MBTPS2: variants seen among roughly 807,000 people sequenced by gnomAD.
The protein encoded by MBTPS2 is membrane-bound transcription factor site-2 protease.
Under a neutral mutation model 35.4 loss-of-function variants are expected in MBTPS2, and 2 were observed. The observed-to-expected ratio is 0.06, with a 90% confidence interval of 0.02 to 0.18. MBTPS2 has a LOEUF of 0.18. Among genes scored for constraint, MBTPS2 ranks in the 10% least tolerant of loss-of-function variants. The pLI is 1.00. For missense variants in MBTPS2, 244 were observed against 386.5 expected (o/e 0.63, Z 3.09); for synonymous variants, 125 against 140.4 (o/e 0.89, Z 0.77).
Position 21,856,655 on chromosome X carries a change from G to T in MBTPS2, c.670+3152G>T, listed in dbSNP as rs772576056. On this transcript the variant is annotated intron_variant, in intron 5 of 10. Transcript: ENST00000379484. Reference sequence around the variant, plus strand: ...GGATCTACGGTGGCCACAACCATCCGCCATTGATGGTGTTGCAGCCGCTCT... The same window carrying T: ...GGATCTACGGTGGCCACAACCATCCTCCATTGATGGTGTTGCAGCCGCTCT... The T allele has an allele frequency of 5.8e-6, 7 of 1,209,896 alleles. No individual in the cohort carries two copies. In the Admixed American group the frequency reaches 6.6e-5, roughly 11 times the overall value.
At position 21,869,088 on chromosome X, in the gene MBTPS2, T is replaced by C. The variant is rs187507925; in HGVS notation, c.790-410T>C. On this transcript the variant is annotated intron_variant, in intron 6 of 10. Coordinates refer to ENST00000379484, the MANE Select transcript of MBTPS2 (RefSeq NM_015884.4). Reference sequence around the variant, plus strand: ...AAATTACCTTTGTGAGCAATTGGCTTACATATACATTGTACTGATGGTATT... The same window carrying C: ...AAATTACCTTTGTGAGCAATTGGCTCACATATACATTGTACTGATGGTATT... Among the ~76,000 whole-genome samples the C allele has an allele frequency of 6.0e-3, 673 of 112,515 alleles. 2 individuals carry two copies. Among genetic ancestry groups the C allele is most frequent in the Non-Finnish European group, 9.3e-3 (498 of 53,313 alleles).
intron 3 of MBTPS2, among the ~76,000 whole-genome samples, chrX:21,850,026 C>CAAAAAA (rs757928757): frequency 1.1e-4 from 3 of 27,398 alleles, no homozygotes; most frequent in Non-Finnish European, 2.0e-4. Context: ...GACTCCGTCT[C>CAAAAAA]AAAAAAAAAA....
At chrX:21,867,040 GA>G (rs2092940999) in intron 5 of MBTPS2, among the ~76,000 whole-genome samples, 1 of 98,977 alleles carries the variant, frequency 1.0e-5, no homozygotes, top group Non-Finnish European at 2.1e-5. Context: ...AAGAAAAAAA[GA>G]AAAAAAATCC....
chrX:21,877,596 A>G (rs1358137402), intron 7 of MBTPS2, among the ~76,000 whole-genome samples: 7 of 111,583 alleles, frequency 6.3e-5, no homozygotes, highest in Non-Finnish European at 9.4e-5. Flanking sequence ...CTGGGGTAGA[A>G]TCGGTATTTG....
At chrX:21,869,857 C>T (rs2092945021) in intron 7 of MBTPS2, 179 bp downstream of exon 7, 1 of 430,144 alleles carries the variant, frequency 2.3e-6, no homozygotes, top group Non-Finnish European at 4.0e-6. Context: ...ATATGTGTTT[C>T]CTTTATTATA....
chrX:21,883,285 T>C lies in MBTPS2; in HGVS notation c.*630T>C. The C allele has an allele frequency of 1.3e-6, 1 of 756,616 alleles. No homozygotes were observed. The highest frequency in any genetic ancestry group is 1.6e-6 in the Non-Finnish European group (1 of 640,751). The allele number at this position is 756,616 out of a possible 1,213,427, so 62.4% of individuals were successfully genotyped here. The stretch of plus-strand genomic sequence containing the variant: ...AAAACAGGAAGTAGGGCCTATGATA[T>C]CGTGAGACATGTTTTGCCCCACAAG... On this transcript the variant is annotated 3_prime_UTR_variant, in exon 11 of 11. Transcript: ENST00000379484.
At chrX:21,874,657 C>T (rs1048062175) in intron 7 of MBTPS2, among the ~76,000 whole-genome samples, 1 of 111,772 alleles carries the variant, frequency 8.9e-6, no homozygotes, top group Non-Finnish European at 1.9e-5. Flanking sequence ...CAAGTTCTCC[C>T]TGTAGTAACA....
At chrX:21,858,688 A>G (rs763771278) in intron 5 of MBTPS2, 4 of 121,250 alleles carry the variant, frequency 3.3e-5, no homozygotes, top group African/African-American at 6.6e-5. Flanking sequence ...TCAGGAATTG[A>G]ACATCAGCCT....
chrX:21,864,203 A>C lies in MBTPS2; in HGVS notation c.671-4264A>C, dbSNP rs1447546952. Among the ~76,000 whole-genome samples the C allele has an allele frequency of 6.2e-5, 7 of 112,550 alleles. No individual in the cohort carries two copies. In the Admixed American group the frequency reaches 6.6e-4, roughly 11 times the overall value. ...ATGTAAAAAGTCCAGGGTGTCATTT[A>C]AATCTAGTTTTTTGTTTTGTTTTGT... On this transcript the variant is annotated intron_variant, in intron 5 of 10. Coordinates refer to ENST00000379484, the MANE Select transcript of MBTPS2 (RefSeq NM_015884.4).
At chrX:21,853,084 G>A (rs772821145) in intron 4 of MBTPS2, among the ~76,000 whole-genome samples, 3 of 110,664 alleles carry the variant, frequency 2.7e-5, no homozygotes, top group Non-Finnish European at 5.7e-5. Flanking sequence ...GTATATATGT[G>A]ACTAACTTCA....
At position 21,843,281 on chromosome X, in the gene MBTPS2, A is replaced by T. The variant is rs1242721163; in HGVS notation, c.187A>T (p.Ser63Cys). Residue 63 changes from serine to cysteine, a missense_variant, in exon 2 of 11, where the codon AGT becomes TGT. Physicochemically the swap from Ser to Cys is moderately radical, Grantham distance 112 (BLOSUM62 -1). Transcript: ENST00000379484. ...QTAVFNRAFY[S>C]WGRRKARMLY... is the part of the protein sequence containing the mutation. ...TGCTGTTTTCAATCGTGCCTTTTACAGTTGGGGACGGCGGAAAGCAAGGAT... is the reference window on the plus strand; with the variant it reads ...TGCTGTTTTCAATCGTGCCTTTTACTGTTGGGGACGGCGGAAAGCAAGGAT... 8.3e-7 allele frequency: 1 copy of T among 1,211,376 alleles called. No homozygotes were observed. Among genetic ancestry groups the T allele is most frequent in the Non-Finnish European group, 1.1e-6 (1 of 895,195 alleles).
intron 3 of MBTPS2, among the ~76,000 whole-genome samples, chrX:21,848,674 G>A (rs2092911271): frequency 9.1e-6 from 1 of 110,186 alleles, no homozygotes; most frequent in African/African-American, 3.3e-5. Context: ...AGCGAGACTC[G>A]TCTCAAAAAA....
chrX:21,859,664 T>C (rs2092928699), intron 5 of MBTPS2, among the ~76,000 whole-genome samples: 1 of 111,772 alleles, frequency 8.9e-6, no homozygotes, highest in Non-Finnish European at 1.9e-5. Context: ...AGTTTGCCTA[T>C]GTCAATACAG....
In MBTPS2 at chrX:21,884,362, C is replaced by G. The variant is rs1297332835; in HGVS notation, c.*1707C>G. 1 of 668,770 alleles carries G rather than the reference C, an allele frequency of 1.5e-6. No homozygotes were observed. Among genetic ancestry groups the G allele is most frequent in the Non-Finnish European group, 1.8e-6 (1 of 562,470 alleles). The allele number at this position is 668,770 out of a possible 1,213,427, so 55.1% of individuals were successfully genotyped here. A position where few individuals can be genotyped will look rare whatever the true frequency, so the allele number is the denominator to read the frequency against. ...AGAGCTTGGAGAATGCCATGAAATACTTATATAATTAATTTGATTGCATGA... is the reference window on the plus strand; with the variant it reads ...AGAGCTTGGAGAATGCCATGAAATAGTTATATAATTAATTTGATTGCATGA... On this transcript the variant is annotated 3_prime_UTR_variant, in exon 11 of 11. Transcript: ENST00000379484.
At chrX:21,878,246 C>G (rs757768807) in intron 8 of MBTPS2, 110 bp downstream of exon 8, 1 of 563,104 alleles carries the variant, frequency 1.8e-6, no homozygotes, top group African/African-American at 2.3e-5. Flanking sequence ...CTATTTGTAT[C>G]ATTTTATTAA....
intron 8 of MBTPS2, 117 bp from the exon 9 acceptor site, chrX:21,878,380 T>A (rs1054253301): frequency 5.6e-5 from 33 of 587,680 alleles, no homozygotes; most frequent in Middle Eastern, 4.7e-4. Flanking sequence ...TAAATGGCAT[T>A]TCTTTTATAT....
At chrX:21,851,737 T>C (rs1320568130) in intron 4 of MBTPS2, 125 bp downstream of exon 4, 2 of 516,099 alleles carry the variant, frequency 3.9e-6, no homozygotes, top group Non-Finnish European at 3.4e-6. Context: ...TATTGCCTAG[T>C]GCATAGCCAT....
chrX:21,881,939 A>C lies in MBTPS2; in HGVS notation c.1338-494A>C, dbSNP rs1175895303. On this transcript the variant is annotated intron_variant, in intron 10 of 10. Transcript: ENST00000379484. ...CGACAGAGCTAGACTCCATCTCAACAACAACAACAAAAAAGATTGTACTTT... is the reference window on the plus strand; with the variant it reads ...CGACAGAGCTAGACTCCATCTCAACCACAACAACAAAAAAGATTGTACTTT... 1.3e-4 allele frequency among the ~76,000 whole-genome samples: 14 copies of C among 111,846 alleles called. No homozygotes were observed. The Admixed American group carries it at 1.3e-3, about 11-fold the overall frequency.
intron 1 of MBTPS2, chrX:21,841,687 G>C (rs1467245097): frequency 9.0e-6 from 1 of 111,701 alleles, no homozygotes; most frequent in Non-Finnish European, 1.9e-5. Context: ...AAAATAAAAA[G>C]AACTTTTACA....
Sources: gnomAD v4.1 joint callset for allele counts (sites outside exome capture counted in the v4.1 genomes callset) on GRCh38, gnomAD v4.1.1 for gene constraint, MANE v1.5 for transcripts, NCBI Gene and HGNC (gene_info 2026-07-23, HGNC 2026-07-21) for gene names.